Variants in ZNF407 observed in about 807,000 individuals in gnomAD.
ZNF407 encodes zinc finger protein 407.
A neutral mutation model predicts 131.2 loss-of-function variants in ZNF407; 17 were observed. The observed-to-expected ratio is 0.13, with a 90% CI of 0.09 to 0.19. ZNF407 has a LOEUF of 0.19. Among genes scored for constraint, ZNF407 ranks in the 10% least tolerant of loss-of-function variants. The probability of loss-of-function intolerance (pLI) is 1.00; values close to 1 mark genes in which losing one functional copy is unlikely to be tolerated. For missense variants in ZNF407, 2,681 were observed against 2,830.6 expected, an observed-to-expected ratio of 0.95 and a Z score of 1.20; for synonymous variants, 1,156 against 1,062.0, an observed-to-expected ratio of 1.09 and a Z score of -1.72.
At chr18:74,656,798 T>G (rs1471400199) in intron 3 of ZNF407, among the ~76,000 whole-genome samples, 1 of 152,300 alleles carries the variant, frequency 6.6e-6, no homozygotes, top group Non-Finnish European at 1.5e-5. Flanking sequence ...TTACCAAGAA[T>G]AGGATTTTTA....
chr18:74,981,687 G>A (rs962634881), intron 8 of ZNF407, among the ~76,000 whole-genome samples: 15 of 152,256 alleles, frequency 9.9e-5, no homozygotes, highest in East Asian at 9.7e-4. Context: ...GGGAGGACGC[G>A]GCGTGGACCA....
At chr18:74,979,084 T>C (rs1887246312) in intron 8 of ZNF407, among the ~76,000 whole-genome samples, 2 of 152,066 alleles carry the variant, frequency 1.3e-5, no homozygotes, top group African/African-American at 4.8e-5. Flanking sequence ...CAGTGCTCTG[T>C]CAGTGAGAGT....
intron 3 of ZNF407, among the ~76,000 whole-genome samples, chr18:74,680,194 C>G (rs1966948700): frequency 6.6e-6 from 1 of 151,958 alleles, no homozygotes; most frequent in African/African-American, 2.4e-5. Flanking sequence ...AGTTCAAGAC[C>G]AGCCTGGGCA....
intron 3 of ZNF407, among the ~76,000 whole-genome samples, chr18:74,744,163 T>C (rs1286879937): frequency 6.6e-6 from 1 of 152,188 alleles, no homozygotes; most frequent in Non-Finnish European, 1.5e-5. Context: ...TTATTATTCC[T>C]CCAGAAATTT....
chr18:74,664,375 G>T (rs1985844890), intron 3 of ZNF407, among the ~76,000 whole-genome samples: 1 of 152,098 alleles, frequency 6.6e-6, no homozygotes, highest in East Asian at 1.9e-4. Flanking sequence ...GGTGCCTGTA[G>T]TCCCAGCTAC....
chr18:74,914,633 A>G (rs527905236), intron 7 of ZNF407, among the ~76,000 whole-genome samples: 2 of 152,310 alleles, frequency 1.3e-5, no homozygotes, highest in Non-Finnish European at 2.9e-5. Context: ...GTTAAGGAAA[A>G]GAGATCTCAG....
chr18:74,951,476 G>A (rs556964675), intron 8 of ZNF407, among the ~76,000 whole-genome samples: 6 of 152,278 alleles, frequency 3.9e-5, no homozygotes, highest in South Asian at 2.1e-4. Context: ...TTCTCAGTAC[G>A]TTCATGTTGA....
chr18:74,729,172 A>G (rs1188660376), intron 3 of ZNF407, among the ~76,000 whole-genome samples: 1 of 152,240 alleles, frequency 6.6e-6, no homozygotes, highest in African/African-American at 2.4e-5. Flanking sequence ...TGCTTCTACT[A>G]AAATGAGGGG....
At chr18:74,935,186 T>C (rs1972026071) in intron 8 of ZNF407, among the ~76,000 whole-genome samples, 1 of 152,232 alleles carries the variant, frequency 6.6e-6, no homozygotes, top group Admixed American at 6.5e-5. Flanking sequence ...CAGATAGTTC[T>C]CTTGCAATTT....
At chr18:74,763,461 A>T (rs1599133878) in intron 3 of ZNF407, among the ~76,000 whole-genome samples, 1 of 151,202 alleles carries the variant, frequency 6.6e-6, no homozygotes, top group East Asian at 1.9e-4. Flanking sequence ...TTTTTCTTTA[A>T]TGAGTTTTGC....
rs866599601 is a variant in ZNF407, at chr18:75,064,501, G to A, written c.*33G>A. On this transcript the variant is annotated 3_prime_UTR_variant, in exon 9 of 9. Transcript: ENST00000299687. Reference sequence around the variant, plus strand: ...GGCACCTTTACTCAGCACAGGGCAGGTGTGGGAAGGTCCAGCTTCGGTGGG... The same window carrying A: ...GGCACCTTTACTCAGCACAGGGCAGATGTGGGAAGGTCCAGCTTCGGTGGG... 1 of 1,440,470 alleles carries A rather than the reference G, an allele frequency of 6.9e-7. No individual in the cohort carries two copies. Among genetic ancestry groups the A allele is most frequent in the Non-Finnish European group, 9.2e-7 (1 of 1,090,374 alleles). 89.2% of individuals were successfully genotyped at this position (1,440,470 alleles called of 1,614,324 possible). A position where few individuals can be genotyped will look rare whatever the true frequency, so the allele number is the denominator to read the frequency against.
chr18:74,612,159 T>C (rs903129986), intron 1 of ZNF407, among the ~76,000 whole-genome samples: 13 of 152,136 alleles, frequency 8.5e-5, no homozygotes, highest in East Asian at 1.9e-4. Flanking sequence ...CACAGTTTTT[T>C]CCCTTTTTTT....
At chr18:74,664,856 T>C (rs1221617209) in intron 3 of ZNF407, among the ~76,000 whole-genome samples, 7 of 152,198 alleles carry the variant, frequency 4.6e-5, no homozygotes. Context: ...GATCATGCCC[T>C]GTTCACAGAA....
In ZNF407 at chr18:74,838,015, T is replaced by G. The variant is rs578249983; in HGVS notation, c.4878-39182T>G. Among the ~76,000 whole-genome samples, 102 of 152,324 alleles carry G rather than the reference T, an allele frequency of 6.7e-4. 1 individual carries two copies. Among genetic ancestry groups the G allele is most frequent in the African/African-American group, 2.4e-3 (99 of 41,562 alleles). The stretch of plus-strand genomic sequence containing the variant: ...AGGTCTCCCTTTACTGTTCACTACA[T>G]TTTTTCAACATTATTACTTACAGAT... On this transcript the variant is annotated intron_variant, in intron 4 of 8. Coordinates refer to ENST00000299687, the MANE Select transcript of ZNF407 (RefSeq NM_017757.3).
chr18:74,813,610 C>T (rs545398029), intron 4 of ZNF407, among the ~76,000 whole-genome samples: 1 of 152,270 alleles, frequency 6.6e-6, no homozygotes, highest in Non-Finnish European at 1.5e-5. Context: ...CCCACTGGAG[C>T]CCTTCATCTT....
intron 7 of ZNF407, among the ~76,000 whole-genome samples, chr18:74,896,548 C>T (rs1413296437): frequency 6.6e-6 from 1 of 152,150 alleles, no homozygotes; most frequent in Non-Finnish European, 1.5e-5. Flanking sequence ...CTGGTCAGAT[C>T]GCCCCTTCCT....
chr18:74,715,532 T>C (rs772149958), intron 3 of ZNF407, among the ~76,000 whole-genome samples: 1 of 152,168 alleles, frequency 6.6e-6, no homozygotes, highest in African/African-American at 2.4e-5. Context: ...GTGTGGATGC[T>C]TGGGGAGCTG....
At chr18:74,752,403 C>G (rs1968827905) in intron 3 of ZNF407, among the ~76,000 whole-genome samples, 1 of 152,140 alleles carries the variant, frequency 6.6e-6, no homozygotes, top group South Asian at 2.1e-4. Flanking sequence ...TCAATTTTGG[C>G]TTTTGTTGCC....
chr18:75,056,357 C>CAG (rs1973562062), intron 8 of ZNF407, among the ~76,000 whole-genome samples: 2 of 152,206 alleles, frequency 1.3e-5, no homozygotes. Flanking sequence ...ACATGAGGTA[C>CAG]TGACCAACCA....
Sources: gnomAD v4.1 joint callset for allele counts (sites outside exome capture counted in the v4.1 genomes callset) on GRCh38, gnomAD v4.1.1 for gene constraint, MANE v1.5 for transcripts, NCBI Gene and HGNC (gene_info 2026-07-23, HGNC 2026-07-21) for gene names.